PRKDC: variants seen among roughly 807,000 people sequenced by gnomAD.
PRKDC encodes DNA-dependent protein kinase catalytic subunit.
PRKDC carries 82 observed loss-of-function variants against 486.9 expected under a neutral mutation model. The ratio of observed to expected loss-of-function variants is 0.17; its 90% CI spans 0.14 to 0.20. The LOEUF is 0.20. Among genes scored for constraint, PRKDC ranks in the 10% least tolerant of loss-of-function variants. The pLI, the probability that PRKDC is intolerant of heterozygous loss-of-function variation, is 1.00. For missense variants in PRKDC, 4,504 were observed against 5,038.2 expected (o/e 0.89, Z 3.21); for synonymous variants, 1,895 against 1,837.0 (o/e 1.03, Z -0.81).
chr8:47,793,713 C>T (rs1009719951), intron 74 of PRKDC, among the ~76,000 whole-genome samples: 9 of 139,902 alleles, frequency 6.4e-5, no homozygotes, highest in Non-Finnish European at 1.1e-4. Context: ...AAGATGCCAG[C>T]GCTTTTCTTC....
Position 47,782,209 on chromosome 8 carries a change from G to A in PRKDC, c.11442C>T (p.Asp3814=), listed in dbSNP as rs1167105599. The A allele has an allele frequency of 4.3e-6, 7 of 1,614,036 alleles. No homozygotes were observed. The highest frequency in any genetic ancestry group is 5.9e-6 in the Non-Finnish European group (7 of 1,179,890). Residue 3814 remains aspartate (D), a synonymous_variant, in exon 80 of 86, where the codon GAC becomes GAT. Transcript: ENST00000314191. The surrounding 1 kb of genome is among the most constrained non-coding windows in gnomAD (Gnocchi z 4.9). ...EWLENTVTLK[D]LLLNTMSQEE... ...CTTGGGACATGGTGTTCAAAAGAAG[G>A]TCCTTCAAGGTAACAGTATTTTCAA...
At chr8:47,777,538 A>T in intron 84 of PRKDC, 148 bp downstream of exon 84, 1 of 976,282 alleles carries the variant, frequency 1.0e-6, no homozygotes, top group Non-Finnish European at 1.4e-6. Flanking sequence ...AGACAATCCT[A>T]AATACTAACT....
rs1323793162 is a variant in PRKDC, at chr8:47,902,757, A to G, written c.3081T>C (p.Asp1027=). 6.2e-7 allele frequency: 1 copy of G among 1,613,490 alleles called. No individual in the cohort carries two copies. The highest frequency in any genetic ancestry group is 2.2e-5 in the East Asian group (1 of 44,894). The change falls in exon 27 of 86, where the codon GAT becomes GAC. Residue 1027 remains aspartate, a synonymous_variant. Coordinates refer to ENST00000314191, the MANE Select transcript of PRKDC (RefSeq NM_006904.7). The stretch of plus-strand genomic sequence containing the variant: ...ATTCTCGAATACACCGACCACAAAA[A>G]TCTCTTAAAGTACTGTCAACAGGGT... ...IVDPVDSTLR[D]FCGRCIREFL...
rs189595774 is a variant in PRKDC, at chr8:47,794,330, C to A, written c.10630G>T (p.Asp3544Tyr). The A allele has an allele frequency of 6.2e-7, 1 of 1,613,428 alleles. No homozygotes were observed. The highest frequency in any genetic ancestry group is 2.2e-5 in the East Asian group (1 of 44,886). ...TTATTCTTATGACCAGTAGAAGTATCCTTGAAGGAATAGCTTTCGCTGCTT... is the reference window on the plus strand; with the variant it reads ...TTATTCTTATGACCAGTAGAAGTATACTTGAAGGAATAGCTTTCGCTGCTT... ...IISSESYSFK[D>Y]TSTGHKNKEF... Residue 3544 changes from aspartate to tyrosine, a missense_variant, in exon 74 of 86, where the codon GAT becomes TAT. This residue lies in a region of PRKDC where 706 missense variants were observed against 945.0 expected (regional missense o/e 0.75). Transcript: ENST00000314191.
chr8:47,807,861 G>A (rs543944058), intron 68 of PRKDC, among the ~76,000 whole-genome samples: 10 of 151,966 alleles, frequency 6.6e-5, no homozygotes, highest in East Asian at 3.9e-4. Flanking sequence ...GACTACAGGC[G>A]TGCACTACCA....
At chr8:47,785,079 A>T (rs1163690871) in intron 77 of PRKDC, 34 bp downstream of exon 77, 1 of 1,590,500 alleles carries the variant, frequency 6.3e-7, no homozygotes, top group African/African-American at 1.3e-5. Context: ...TGCTCCTGAC[A>T]GTACAGTTTT....
At chr8:47,919,919 G>A (rs577963554) in intron 21 of PRKDC, among the ~76,000 whole-genome samples, 1 of 152,062 alleles carries the variant, frequency 6.6e-6, no homozygotes, top group Admixed American at 6.6e-5. Context: ...GAAAGTTGTG[G>A]GTTTATTAGA....
chr8:47,907,042 T>G (rs1205543702), intron 25 of PRKDC, among the ~76,000 whole-genome samples: 2 of 151,300 alleles, frequency 1.3e-5, no homozygotes, highest in East Asian at 3.9e-4. Flanking sequence ...AGAATCATAC[T>G]GGTGTTTTTT....
At position 47,914,071 on chromosome 8, in the gene PRKDC, G is replaced by C; in HGVS notation, c.2618-7C>G. 1 of 1,456,692 alleles carries C rather than the reference G, an allele frequency of 6.9e-7. No homozygotes were observed. The highest frequency in any genetic ancestry group is 9.1e-7 in the Non-Finnish European group (1 of 1,099,136). The allele number at this position is 1,456,692 out of a possible 1,614,324, so 90.2% of individuals were successfully genotyped here. ...ATCTCATCTGAGGACGTGACTGTTA[G>C]AAAAGATTTAAGAAGAATGAAACAC... On this transcript the variant is annotated splice_region_variant and splice_polypyrimidine_tract_variant and intron_variant, in intron 23 of 85. Transcript: ENST00000314191.
intron 80 of PRKDC, among the ~76,000 whole-genome samples, chr8:47,781,948 C>T (rs534985530): frequency 1.3e-5 from 2 of 152,210 alleles, no homozygotes; most frequent in African/African-American, 4.8e-5. Flanking sequence ...AATTTTTCTT[C>T]CCCCCACCCA....
chr8:47,877,946 T>C (rs2089124671), intron 39 of PRKDC, 95 bp from the exon 40 acceptor site: 3 of 927,578 alleles, frequency 3.2e-6, no homozygotes, highest in Non-Finnish European at 2.8e-6. Flanking sequence ...AAGTTTCTTA[T>C]ATAATAAAAA....
At chr8:47,940,413 C>A (rs1020098762) in intron 10 of PRKDC, among the ~76,000 whole-genome samples, 1 of 152,126 alleles carries the variant, frequency 6.6e-6, no homozygotes, top group Non-Finnish European at 1.5e-5. Flanking sequence ...AGAAATCTAT[C>A]TAGACAATTA....
Position 47,927,271 on chromosome 8 carries a change from T to C in PRKDC, c.2342A>G (p.Asp781Gly), listed in dbSNP as rs2090170428. ...NALEEWSIYIDRHVMQPYYKD... is the reference protein window; with the variant it reads ...NALEEWSIYIGRHVMQPYYKD... ...GTAATAAGGCTGCATTACATGTCTG[T>C]CAATATAAATTGACCATTCTTCTAG... Residue 781 changes from aspartate to glycine, a missense_variant, in exon 21 of 86, where the codon GAC (aspartate) becomes GGC (glycine). Physicochemically the swap from Asp to Gly is moderately conservative, Grantham distance 94. Coordinates refer to ENST00000314191, the MANE Select transcript of PRKDC (RefSeq NM_006904.7). The C allele has an allele frequency of 6.2e-7, 1 of 1,613,770 alleles. No homozygotes were observed. The highest frequency in any genetic ancestry group is 1.1e-5 in the South Asian group (1 of 91,058).
intron 56 of PRKDC, among the ~76,000 whole-genome samples, chr8:47,838,774 A>G (rs1042405565): frequency 6.6e-6 from 1 of 152,218 alleles, no homozygotes; most frequent in African/African-American, 2.4e-5. Context: ...TCTCATTTCT[A>G]AAGTTTCAAA....
rs936084338 is a variant in PRKDC at position 47,893,161 on chromosome 8, A to G, written c.3825T>C (p.Thr1275=). ...ECYNTFIGER[T]VGALQVLGTE... ...TACCTAGGACCTGGAGCGCTCCTAC[A>G]GTTCTCTCGCCAATGAACGTGTTGT... The change falls in exon 31 of 86, where the codon ACT becomes ACC. Residue 1275 remains threonine, a synonymous_variant. Transcript: ENST00000314191. 6.2e-7 allele frequency: 1 copy of G among 1,610,694 alleles called. No individual in the cohort carries two copies. Among genetic ancestry groups the G allele is most frequent in the Non-Finnish European group, 8.5e-7 (1 of 1,177,530 alleles).
At chr8:47,894,731 T>C (rs2089540884) in intron 30 of PRKDC, among the ~76,000 whole-genome samples, 2 of 152,168 alleles carry the variant, frequency 1.3e-5, no homozygotes. Context: ...CCAGGACTGC[T>C]GCTACACAGT....
In PRKDC at chr8:47,826,747, G is replaced by C; in HGVS notation, c.8692C>G (p.Leu2898Val). The change falls in exon 63 of 86, where the codon CTC becomes GTC. Residue 2898 changes from leucine to valine, a missense_variant. By Grantham distance (32) the Leu-to-Val change is conservative (BLOSUM62 1). Transcript: ENST00000314191. Reference sequence around the variant, plus strand: ...GGCAGCTCAGCAGGCAGCAGGCGGAGCAGAGCCTCCTCTAGCAGGCGGATG... The same window carrying C: ...GGCAGCTCAGCAGGCAGCAGGCGGACCAGAGCCTCCTCTAGCAGGCGGATG... ...VGIRLLEEAL[L>V]RLLPAELPAK... 1 of 1,613,002 alleles carries C rather than the reference G, an allele frequency of 6.2e-7. No individual in the cohort carries two copies. The highest frequency in any genetic ancestry group is 8.5e-7 in the Non-Finnish European group (1 of 1,179,670).
At chr8:47,920,641 T>C (rs997728968) in intron 21 of PRKDC, among the ~76,000 whole-genome samples, 3 of 152,240 alleles carry the variant, frequency 2.0e-5, no homozygotes, top group Non-Finnish European at 4.4e-5. Flanking sequence ...GGCACATCTG[T>C]GGTAAAGAGA....
At chr8:47,841,310 T>C (rs1388463088) in intron 54 of PRKDC, among the ~76,000 whole-genome samples, 1 of 152,112 alleles carries the variant, frequency 6.6e-6, no homozygotes, top group Non-Finnish European at 1.5e-5. Context: ...GGTTCTCACC[T>C]TGCTCTGAGT....
Sources: gnomAD v4.1 joint callset for allele counts (sites outside exome capture counted in the v4.1 genomes callset) on GRCh38, gnomAD v4.1.1 for gene constraint, gnomAD v4.1.1 regional missense constraint, Gnocchi (gnomAD v3.1) non-coding constraint, MANE v1.5 for transcripts, NCBI Gene and HGNC (gene_info 2026-07-23, HGNC 2026-07-21) for gene names.